ATL3: variants seen among roughly 807,000 people sequenced by gnomAD.
The protein encoded by ATL3 is atlastin GTPase 3, also known as atlastin-3.
Under a neutral mutation model 69.5 loss-of-function variants are expected in ATL3, and 49 were observed. The ratio of observed to expected loss-of-function variants is 0.71; its 90% confidence interval spans 0.56 to 0.89. The LOEUF is 0.89. Among genes scored for constraint, ATL3 ranks in the 40% least tolerant of loss-of-function variants. The probability of loss-of-function intolerance (pLI) is 0.00; values close to 1 mark genes in which losing one functional copy is unlikely to be tolerated. For synonymous variants in ATL3, 214 were observed against 224.1 expected, an observed-to-expected ratio of 0.95 and a Z score of 0.40; for missense variants, 606 against 645.7, an observed-to-expected ratio of 0.94 and a Z score of 0.67.
intron 6 of ATL3, 94 bp from the exon 7 acceptor site, chr11:63,644,355 C>CAA: frequency 1.9e-6 from 1 of 536,190 alleles, no homozygotes; most frequent in South Asian, 1.8e-5. Context: ...CCAGCTTCTA[C>CAA]AAAGGGGGTA....
chr11:63,670,859 A>G (rs1432983174), intron 1 of ATL3, among the ~76,000 whole-genome samples: 7 of 152,226 alleles, frequency 4.6e-5, no homozygotes, highest in Non-Finnish European at 1.0e-4. Context: ...TTCTCCGACC[A>G]GAGAGGGCGC....
Position 63,644,153 on chromosome 11 carries a change from T to G in ATL3, c.711+16A>C, listed in dbSNP as rs771934536. On this transcript the variant is annotated intron_variant, in intron 7 of 12. Transcript: ENST00000398868. ...TACTTTGAGATAATTCATCAGAAGATTATAGTCCCACTTACCTGTAAACGC... is the reference window on the plus strand; with the variant it reads ...TACTTTGAGATAATTCATCAGAAGAGTATAGTCCCACTTACCTGTAAACGC... 6.5e-7 allele frequency: 1 copy of G among 1,527,632 alleles called. No individual in the cohort carries two copies. The highest frequency in any genetic ancestry group is 9.0e-7 in the Non-Finnish European group (1 of 1,110,736). The allele number at this position is 1,527,632 out of a possible 1,614,324, so 94.6% of individuals were successfully genotyped here.
chr11:63,630,606 G>C (rs1939280116), intron 12 of ATL3, among the ~76,000 whole-genome samples: 1 of 151,858 alleles, frequency 6.6e-6, no homozygotes, highest in Non-Finnish European at 1.5e-5. Context: ...GACCAGCCTG[G>C]TCAACATGGT....
chr11:63,639,934 C>CT (rs1247687819), intron 8 of ATL3, among the ~76,000 whole-genome samples: 2,853 of 146,772 alleles, frequency 0.019, 81 homozygotes, highest in African/African-American at 0.065. Context: ...TCTACCTTAT[C>CT]TTTTTTTTTT....
intron 1 of ATL3, among the ~76,000 whole-genome samples, chr11:63,661,887 T>C (rs530875638): frequency 4.5e-4 from 64 of 142,156 alleles, no homozygotes; most frequent in African/African-American, 1.5e-3. Flanking sequence ...ACACTCCGTC[T>C]CAAAAAAAAA....
At chr11:63,656,696 T>C (rs1274844792) in intron 3 of ATL3, among the ~76,000 whole-genome samples, 1 of 146,278 alleles carries the variant, frequency 6.8e-6, no homozygotes, top group African/African-American at 2.6e-5. Context: ...ATCGCACCAC[T>C]GCACTCCAGC....
At chr11:63,632,544 C>A in intron 11 of ATL3, 1 of 854,454 alleles carries the variant, frequency 1.2e-6, no homozygotes, top group Non-Finnish European at 2.0e-6. Flanking sequence ...ACAGTTATGT[C>A]CCAGTGGGTC....
At position 63,629,335 on chromosome 11, in the gene ATL3, T is replaced by C; in HGVS notation, c.1610A>G (p.Asp537Gly). Residue 537 changes from aspartate to glycine, a missense_variant, in exon 13 of 13, where the codon GAT becomes GGT. Asp to Gly is a moderately conservative substitution (Grantham distance 94, BLOSUM62 -1). Transcript: ENST00000398868. ...GTTAAGATGCTATTGAGCTTTTTTATCCATGGATGGTCTTCCAACAACTGC... is the reference window on the plus strand; with the variant it reads ...GTTAAGATGCTATTGAGCTTTTTTACCCATGGATGGTCTTCCAACAACTGC... ...RDAVVGRPSM[D>G]KKAQ 6.2e-7 allele frequency: 1 copy of C among 1,614,078 alleles called. No individual in the cohort carries two copies. Among genetic ancestry groups the C allele is most frequent in the African/African-American group, 1.3e-5 (1 of 75,048 alleles).
intron 1 of ATL3, 149 bp downstream of exon 1, chr11:63,671,141 C>T: frequency 7.3e-7 from 1 of 1,369,898 alleles, no homozygotes; most frequent in Non-Finnish European, 9.6e-7. Context: ...ACCACAAATT[C>T]GGAAACCGAG....
At chr11:63,667,763 CAA>C (rs35015200) in intron 1 of ATL3, among the ~76,000 whole-genome samples, 48 of 99,450 alleles carry the variant, frequency 4.8e-4, no homozygotes, top group Admixed American at 5.4e-4. Flanking sequence ...GACTCTGTAT[CAA>C]AAAAAAAAAA....
intron 3 of ATL3, among the ~76,000 whole-genome samples, chr11:63,653,269 C>T (rs1329272274): frequency 6.6e-6 from 1 of 152,068 alleles, no homozygotes; most frequent in Admixed American, 6.6e-5. Context: ...GAGTTCGAGA[C>T]CAGCCCGGCT....
chr11:63,671,964 TG>T (rs1468493433), upstream of ATL3: 1 of 186,126 alleles, frequency 5.4e-6, no homozygotes, highest in Non-Finnish European at 1.1e-5. Flanking sequence ...CTGGATGGCA[TG>T]AACGTCACTG....
intron 1 of ATL3, among the ~76,000 whole-genome samples, chr11:63,664,700 G>A (rs1356803595): frequency 2.0e-5 from 3 of 148,712 alleles, no homozygotes; most frequent in Non-Finnish European, 4.5e-5. Flanking sequence ...TTGGCTCAGC[G>A]CAACCTCCGC....
chr11:63,655,413 A>G (rs969171389), intron 3 of ATL3, among the ~76,000 whole-genome samples: 2 of 150,574 alleles, frequency 1.3e-5, no homozygotes, highest in Non-Finnish European at 2.9e-5. Context: ...AGCCTCCCAA[A>G]GTGCTGGGAA....
chr11:63,655,098 C>G (rs2134514029), intron 3 of ATL3, among the ~76,000 whole-genome samples: 1 of 152,158 alleles, frequency 6.6e-6, no homozygotes, highest in East Asian at 1.9e-4. Context: ...TAGCTTTATT[C>G]TGAGATGTAG....
At chr11:63,671,635 C>A, upstream of ATL3, 1 of 1,418,348 alleles carries the variant, frequency 7.1e-7, no homozygotes, top group Admixed American at 2.3e-5. Flanking sequence ...CCGCCGGGTA[C>A]CTGTTGGCGG....
At chr11:63,642,761 G>C (rs1483943814) in intron 8 of ATL3, among the ~76,000 whole-genome samples, 1 of 152,180 alleles carries the variant, frequency 6.6e-6, no homozygotes, top group African/African-American at 2.4e-5. Flanking sequence ...AACATTACCA[G>C]GAATCTGAGA....
rs56386158 is a variant in ATL3, at chr11:63,637,277, G to GAAA, written c.851-946_851-944dup. Among the ~76,000 whole-genome samples, 124 of 140,094 alleles carry GAAA rather than the reference G, an allele frequency of 8.9e-4. 1 individual carries two copies. Among genetic ancestry groups the GAAA allele is most frequent in the Non-Finnish European group, 1.2e-3 (80 of 64,486 alleles). 91.9% of individuals were successfully genotyped at this position (140,094 alleles called of 152,430 possible). A position where few individuals can be genotyped will look rare whatever the true frequency, so the allele number is the denominator to read the frequency against. ...GGCAACAGAGTGAGACTCCATCTCA[G>GAAA]AAAAAAAAAAAAAGAATTTCATTAA... On this transcript the variant is annotated intron_variant, in intron 8 of 12. Transcript: ENST00000398868.
At position 63,668,560 on chromosome 11, in the gene ATL3, T is replaced by C. The variant is rs142866719; in HGVS notation, c.46+2730A>G. Among the ~76,000 whole-genome samples, 437 of 152,356 alleles carry C rather than the reference T, an allele frequency of 2.9e-3. 15 individuals are homozygous for C. In the East Asian group the frequency reaches 0.075, roughly 26 times the overall value. Reference sequence around the variant, plus strand: ...AGAAGGCTGAACAAAACCATATTTTTTGTTGTTGACTAAGGATTGTGTAAT... The same window carrying C: ...AGAAGGCTGAACAAAACCATATTTTCTGTTGTTGACTAAGGATTGTGTAAT... On this transcript the variant is annotated intron_variant, in intron 1 of 12. Transcript: ENST00000398868.
Sources: gnomAD v4.1 joint callset for allele counts (sites outside exome capture counted in the v4.1 genomes callset) on GRCh38, gnomAD v4.1.1 for gene constraint, MANE v1.5 for transcripts, NCBI Gene and HGNC (gene_info 2026-07-23, HGNC 2026-07-21) for gene names.